The following MYO5B variants were observed in gnomAD, a reference collection of about 807,000 sequenced individuals.
MYO5B encodes the protein myosin VB.
MYO5B carries 143 observed loss-of-function variants against 229.3 expected under a neutral mutation model. The observed-to-expected ratio is 0.62, with a 90% confidence interval of 0.54 to 0.72. MYO5B has a LOEUF of 0.72. Among genes scored for constraint, MYO5B ranks in the 30% least tolerant of loss-of-function variants. The pLI is 0.00. For synonymous variants in MYO5B, 918 were observed against 885.2 expected (o/e 1.04, Z -0.66); for missense variants, 2,321 against 2,331.0 (o/e 1.00, Z 0.09).
intron 4 of MYO5B, among the ~76,000 whole-genome samples, chr18:50,014,389 T>C (rs1193781893): frequency 6.6e-6 from 1 of 152,120 alleles, no homozygotes; most frequent in African/African-American, 2.4e-5. Flanking sequence ...TGAAAGGGCA[T>C]TTCCACCTCA....
At chr18:49,954,213 T>C in intron 13 of MYO5B, 100 bp downstream of exon 13, 1 of 1,556,610 alleles carries the variant, frequency 6.4e-7, no homozygotes, top group South Asian at 1.1e-5. Context: ...TCAGGCCATT[T>C]GAATTCAGAA....
intron 1 of MYO5B, among the ~76,000 whole-genome samples, chr18:50,090,092 C>T (rs1306989224): frequency 3.9e-5 from 6 of 152,160 alleles, no homozygotes; most frequent in Admixed American, 1.3e-4. Context: ...TGTCTCTGTA[C>T]GAGGGAGCTT....
intron 1 of MYO5B, among the ~76,000 whole-genome samples, chr18:50,078,551 C>A (rs2031141891): frequency 6.6e-6 from 1 of 152,176 alleles, no homozygotes; most frequent in African/African-American, 2.4e-5. Flanking sequence ...CCATTACACA[C>A]ACCACCACTT....
In MYO5B at chr18:49,980,670, G is replaced by A. The variant is rs181774861; in HGVS notation, c.947-117C>T. On this transcript the variant is annotated intron_variant, in intron 8 of 39. Transcript: ENST00000285039. ...AAGGTTTGATTTTTCTTTCTGACCCGATGACTCCTAAAATGATCCAGGCTC... is the reference window on the plus strand; with the variant it reads ...AAGGTTTGATTTTTCTTTCTGACCCAATGACTCCTAAAATGATCCAGGCTC... 171 of 742,252 alleles carry A rather than the reference G, an allele frequency of 2.3e-4. 1 individual carries two copies. In the East Asian group the frequency reaches 2.7e-3, roughly 12 times the overall value. 46.0% of individuals were successfully genotyped at this position (742,252 alleles called of 1,614,324 possible). A position where few individuals can be genotyped will look rare whatever the true frequency, so the allele number is the denominator to read the frequency against.
rs572986525 is a variant in MYO5B, at chr18:49,845,563, C to T, written c.4459+1583G>A. On this transcript the variant is annotated intron_variant, in intron 33 of 39. Coordinates refer to ENST00000285039, the MANE Select transcript of MYO5B (RefSeq NM_001080467.3). ...TGAGAAGGGTTTTGCAGTTTTAACACAGCATTTCGCCTTTGACACACTTCA... is the reference window on the plus strand; with the variant it reads ...TGAGAAGGGTTTTGCAGTTTTAACATAGCATTTCGCCTTTGACACACTTCA... Among the ~76,000 whole-genome samples the T allele has an allele frequency of 3.3e-5, 5 of 152,368 alleles. No homozygotes were observed. The East Asian group carries it at 7.7e-4, about 23-fold the overall frequency.
At chr18:49,839,892 T>C (rs1032615267) in intron 35 of MYO5B, 1 of 160,992 alleles carries the variant, frequency 6.2e-6, no homozygotes, top group African/African-American at 2.4e-5. Flanking sequence ...AATGTCCTTT[T>C]CATTCAGGCC....
In MYO5B at chr18:49,962,348, A is replaced by G. The variant is rs780547885; in HGVS notation, c.1463T>C (p.Ile488Thr). 5 of 1,614,096 alleles carry G rather than the reference A, an allele frequency of 3.1e-6. No individual in the cohort carries two copies. Among genetic ancestry groups the G allele is most frequent in the Non-Finnish European group, 4.2e-6 (5 of 1,180,042 alleles). ...YMKEQIPWTLIDFYDNQPCID... is the reference protein window; with the variant it reads ...YMKEQIPWTLTDFYDNQPCID... ...ACAAGGTTGGTTATCATAAAAATCAATCAGGGTCCAAGGGATCTGTTCCTT... is the reference window on the plus strand; with the variant it reads ...ACAAGGTTGGTTATCATAAAAATCAGTCAGGGTCCAAGGGATCTGTTCCTT... Residue 488 changes from isoleucine to threonine, a missense_variant, in exon 12 of 40, where the codon ATT becomes ACT. Transcript: ENST00000285039.
intron 1 of MYO5B, among the ~76,000 whole-genome samples, chr18:50,182,015 T>C (rs1284995122): frequency 6.6e-6 from 1 of 152,178 alleles, no homozygotes; most frequent in East Asian, 1.9e-4. Flanking sequence ...AAATGAACCG[T>C]TGGATTAGAA....
Position 49,878,130 on chromosome 18 carries a change from C to G in MYO5B, c.3277-248G>C, listed in dbSNP as rs137886033. The stretch of plus-strand genomic sequence containing the variant: ...TTCCTAACACTTGGGTCAATTTCTC[C>G]GAGAAGTCCTGGAAAAACCTTTCCC... On this transcript the variant is annotated intron_variant, in intron 24 of 39. Transcript: ENST00000285039. Among the ~76,000 whole-genome samples the G allele has an allele frequency of 1.2e-4, 19 of 152,228 alleles. No homozygotes were observed. In the East Asian group the frequency reaches 3.5e-3, roughly 28 times the overall value.
chr18:49,844,699 G>T (rs2067862704), intron 33 of MYO5B, among the ~76,000 whole-genome samples: 2 of 152,338 alleles, frequency 1.3e-5, no homozygotes, highest in South Asian at 4.1e-4. Context: ...TAGTTAGAAT[G>T]CCAGTCATTT....
intron 21 of MYO5B, among the ~76,000 whole-genome samples, 157 bp downstream of exon 21, chr18:49,902,437 G>T (rs929209078): frequency 6.6e-6 from 1 of 152,212 alleles, no homozygotes. Flanking sequence ...AGGGGTCACT[G>T]ATCTGCCTGC....
At chr18:50,096,738 T>C (rs1024540838) in intron 1 of MYO5B, among the ~76,000 whole-genome samples, 16 of 152,210 alleles carry the variant, frequency 1.1e-4, no homozygotes, top group African/African-American at 3.6e-4. Context: ...AAAATCATCA[T>C]CACCGTCATC....
chr18:50,107,153 T>C (rs1400252264), intron 1 of MYO5B, among the ~76,000 whole-genome samples: 1 of 112,972 alleles, frequency 8.9e-6, no homozygotes, highest in African/African-American at 3.4e-5. Flanking sequence ...ACAGTCTCCC[T>C]CTGTCACCCA....
chr18:50,000,745 T>C (rs1326358644), intron 5 of MYO5B, among the ~76,000 whole-genome samples: 1 of 152,212 alleles, frequency 6.6e-6, no homozygotes, highest in Non-Finnish European at 1.5e-5. Flanking sequence ...GGAACTGTTT[T>C]CTGAGGAGCT....
chr18:50,016,481 A>T (rs1446113363), intron 4 of MYO5B, among the ~76,000 whole-genome samples: 1 of 152,214 alleles, frequency 6.6e-6, no homozygotes, highest in Non-Finnish European at 1.5e-5. Flanking sequence ...AACTTCTTGG[A>T]CAGGATTCTT....
At chr18:49,865,296 C>T (rs893118371) in intron 27 of MYO5B, among the ~76,000 whole-genome samples, 2 of 152,148 alleles carry the variant, frequency 1.3e-5, no homozygotes, top group African/African-American at 4.8e-5. Context: ...AGGGCCAGGG[C>T]TCCTGACTCC....
intron 4 of MYO5B, among the ~76,000 whole-genome samples, chr18:50,004,267 T>C (rs1671222631): frequency 6.6e-6 from 1 of 152,182 alleles, no homozygotes; most frequent in South Asian, 2.1e-4. Flanking sequence ...ACAGTAAAAC[T>C]GGCAGGATGC....
chr18:49,911,402 C>T (rs1159643520), intron 18 of MYO5B, among the ~76,000 whole-genome samples: 3 of 152,198 alleles, frequency 2.0e-5, no homozygotes, highest in African/African-American at 7.2e-5. Flanking sequence ...ACTTTGGTAA[C>T]AGATCTGGCT....
chr18:49,841,873 G>A (rs1443799084), intron 34 of MYO5B, among the ~76,000 whole-genome samples: 2 of 152,162 alleles, frequency 1.3e-5, no homozygotes, highest in Non-Finnish European at 2.9e-5. Flanking sequence ...GAGCATAACA[G>A]CAAAATAGTT....
Sources: gnomAD v4.1 joint callset for allele counts (sites outside exome capture counted in the v4.1 genomes callset) on GRCh38, gnomAD v4.1.1 for gene constraint, MANE v1.5 for transcripts, NCBI Gene and HGNC (gene_info 2026-07-23, HGNC 2026-07-21) for gene names.